The following YTHDC1 variants were observed in gnomAD, a reference collection of about 807,000 sequenced individuals.
The protein encoded by YTHDC1 is YTH domain-containing protein 1.
Under a neutral mutation model 107.0 loss-of-function variants are expected in YTHDC1, and 12 were observed. The ratio of observed to expected loss-of-function variants is 0.11; its 90% CI spans 0.07 to 0.18. YTHDC1 has a LOEUF of 0.18. YTHDC1 is among the 10% of genes least tolerant of loss of function. The pLI is 1.00. For synonymous variants in YTHDC1, 280 were observed against 289.5 expected (o/e 0.97, Z 0.33); for missense variants, 635 against 898.8 (o/e 0.71, Z 3.75).
chr4:68,349,611 G>GTATCATTATAAAA, intron 1 of YTHDC1, 115 bp downstream of exon 1: 1 of 1,180,098 alleles, frequency 8.5e-7, no homozygotes, highest in Non-Finnish European at 1.2e-6. Flanking sequence ...GGCTCCTCGC[G>GTATCATTATAAAA]AGGCCAGCTA....
At chr4:68,331,979 G>A in intron 7 of YTHDC1, 124 bp downstream of exon 7, 1 of 511,948 alleles carries the variant, frequency 2.0e-6, no homozygotes, top group Non-Finnish European at 3.3e-6. Context: ...GTGGCCATTG[G>A]AATGTAGATC....
intron 14 of YTHDC1, 40 bp downstream of exon 14, chr4:68,318,650 T>C (rs2109682539): frequency 6.2e-7 from 1 of 1,610,938 alleles, no homozygotes; most frequent in East Asian, 2.2e-5. Context: ...AATCAGAGCC[T>C]GATTTTATCC....
In YTHDC1 at chr4:68,337,930, AG is replaced by A. The variant is rs1383700665; in HGVS notation, c.131-31del. The A allele has an allele frequency of 2.5e-6, 4 of 1,578,348 alleles. No individual in the cohort carries two copies. The African/African-American group carries it at 4.1e-5, about 16-fold the overall frequency. On this transcript the variant is annotated intron_variant, in intron 2 of 16. Transcript: ENST00000344157. The stretch of plus-strand genomic sequence containing the variant: ...AAAATACAATGTAAAAAAAAAAAAA[AG>A]AAGTATTTGTAGTATTCCATTTATT...
rs749046355 is a variant in YTHDC1 at position 68,337,243 on chromosome 4, C to T, written c.667G>A (p.Glu223Lys). ...TCCTCTCCATCTTCATCCACCTCTT[C>T]ATCTTCTTCTGCATCTTCTTCTACT... is the stretch of plus-strand genomic sequence containing the variant. Reference protein sequence around the residue: ...EEVEEDAEEDEEVDEDGEEEE... With the variant: ...EEVEEDAEEDKEVDEDGEEEE... Residue 223 changes from glutamate to lysine, a missense_variant, in exon 4 of 17, where the codon GAA becomes AAA. By Grantham distance (56) the Glu-to-Lys change is moderately conservative. Around this residue, in one of 5 missense-constraint regions of YTHDC1, gnomAD observed 294 missense variants for 312.3 expected, o/e 0.94. Coordinates refer to ENST00000344157, the MANE Select transcript of YTHDC1 (RefSeq NM_001031732.4). The T allele has an allele frequency of 1.2e-6, 2 of 1,606,562 alleles. No individual in the cohort carries two copies. The highest frequency in any genetic ancestry group is 1.7e-6 in the Non-Finnish European group (2 of 1,174,406).
At position 68,312,739 on chromosome 4, in the gene YTHDC1, G is replaced by C. The variant is rs962419324; in HGVS notation, c.*1360C>G. 2.0e-5 allele frequency: 3 copies of C among 152,020 alleles called. No homozygotes were observed. Among genetic ancestry groups the C allele is most frequent in the African/African-American group, 7.2e-5 (3 of 41,392 alleles). 9.4% of individuals were successfully genotyped at this position (152,020 alleles called of 1,614,324 possible). ...AATGTAAAACTGTACTATGTGATCTGGTACACAGTACAACTGTTGATACTA... is the reference window on the plus strand; with the variant it reads ...AATGTAAAACTGTACTATGTGATCTCGTACACAGTACAACTGTTGATACTA... On this transcript the variant is annotated 3_prime_UTR_variant, in exon 17 of 17. Transcript: ENST00000344157.
At chr4:68,344,541 G>T (rs551180011) in intron 1 of YTHDC1, among the ~76,000 whole-genome samples, 1 of 152,118 alleles carries the variant, frequency 6.6e-6, no homozygotes, top group South Asian at 2.1e-4. Context: ...TTTTTATTTG[G>T]AATTGCATGA....
chr4:68,317,437 G>C (rs1721985054), intron 15 of YTHDC1, among the ~76,000 whole-genome samples: 1 of 151,980 alleles, frequency 6.6e-6, no homozygotes, highest in Admixed American at 6.6e-5. Flanking sequence ...GTCAGATGAA[G>C]AGGCCATATA....
Position 68,312,539 on chromosome 4 carries a change from A to G in YTHDC1, c.*1560T>C, listed in dbSNP as rs1221777843. Reference sequence around the variant, plus strand: ...AAAGTACTTTTTCCTCTCTACCACAATGCAGATTTAAAACAAATCCTCAGG... The same window carrying G: ...AAAGTACTTTTTCCTCTCTACCACAGTGCAGATTTAAAACAAATCCTCAGG... On this transcript the variant is annotated 3_prime_UTR_variant, in exon 17 of 17. Coordinates refer to ENST00000344157, the MANE Select transcript of YTHDC1 (RefSeq NM_001031732.4). The G allele has an allele frequency of 6.6e-6, 1 of 152,212 alleles. No homozygotes were observed. Among genetic ancestry groups the G allele is most frequent in the African/African-American group, 2.4e-5 (1 of 41,456 alleles). 9.4% of individuals were successfully genotyped at this position (152,212 alleles called of 1,614,324 possible). A position where few individuals can be genotyped will look rare whatever the true frequency, so the allele number is the denominator to read the frequency against.
At chr4:68,331,013 C>T (rs1046274085) in intron 7 of YTHDC1, among the ~76,000 whole-genome samples, 1 of 152,154 alleles carries the variant, frequency 6.6e-6, no homozygotes, top group African/African-American at 2.4e-5. Context: ...CCACTGGGGA[C>T]TGGTTCCAGG....
At chr4:68,336,085 T>C (rs574789190) in intron 4 of YTHDC1, among the ~76,000 whole-genome samples, 2 of 149,032 alleles carry the variant, frequency 1.3e-5, no homozygotes, top group South Asian at 2.1e-4. Context: ...CTTCTAGTGA[T>C]TGGCAACTGA....
At chr4:68,327,874 T>C (rs777720906) in intron 9 of YTHDC1, among the ~76,000 whole-genome samples, 32 of 152,176 alleles carry the variant, frequency 2.1e-4, no homozygotes, top group Non-Finnish European at 3.8e-4. Flanking sequence ...TACACTTGAA[T>C]AGAACTTGAG....
At chr4:68,320,097 T>C (rs779142072) in intron 12 of YTHDC1, 26 bp downstream of exon 12, 2 of 1,536,512 alleles carry the variant, frequency 1.3e-6, no homozygotes, top group Non-Finnish European at 8.9e-7. Context: ...TGAAATCAAA[T>C]ATCTGCAGGA....
Position 68,316,349 on chromosome 4 carries a change from C to A in YTHDC1, c.1924G>T (p.Val642Leu), listed in dbSNP as rs753845671. ...AHPPYSGHHP[V>L]PHEARYRDKR... The stretch of plus-strand genomic sequence containing the variant: ...TCTCTGTATCTTGCTTCATGTGGTA[C>A]TGGATGATGTCCTGAGTAAGGGGGA... Residue 642 changes from valine to leucine, a missense_variant, in exon 16 of 17, where the codon GTA becomes TTA. Coordinates refer to ENST00000344157, the MANE Select transcript of YTHDC1 (RefSeq NM_001031732.4). 3.3e-5 allele frequency: 53 copies of A among 1,613,808 alleles called. No homozygotes were observed. The highest frequency in any genetic ancestry group is 3.3e-5 in the Admixed American group (2 of 59,986).
chr4:68,324,960 C>T (rs1216655263), intron 9 of YTHDC1, among the ~76,000 whole-genome samples: 7 of 150,158 alleles, frequency 4.7e-5, no homozygotes, highest in African/African-American at 1.7e-4. Context: ...GTCAACCTAG[C>T]ACAATGTCAC....
intron 12 of YTHDC1, among the ~76,000 whole-genome samples, chr4:68,319,512 G>C (rs1722216226): frequency 6.6e-6 from 1 of 152,126 alleles, no homozygotes; most frequent in Non-Finnish European, 1.5e-5. Context: ...GGCTAATCAA[G>C]CCACTTGTTA....
intron 4 of YTHDC1, among the ~76,000 whole-genome samples, chr4:68,335,344 G>A (rs1240434284): frequency 6.6e-6 from 1 of 151,936 alleles, no homozygotes; most frequent in Non-Finnish European, 1.5e-5. Flanking sequence ...TCCACATAAG[G>A]GATTTTCCTT....
chr4:68,346,865 AC>A (rs1360024242), intron 1 of YTHDC1, among the ~76,000 whole-genome samples: 4 of 152,222 alleles, frequency 2.6e-5, no homozygotes, highest in African/African-American at 9.6e-5. Context: ...ATAGAAAAAA[AC>A]ATAGTATAGA....
intron 15 of YTHDC1, among the ~76,000 whole-genome samples, chr4:68,316,825 G>A (rs1721909251): frequency 6.6e-6 from 1 of 152,190 alleles, no homozygotes; most frequent in Admixed American, 6.5e-5. Context: ...AAGGAGTTAA[G>A]TAACCTGCTT....
chr4:68,322,680 C>T lies in YTHDC1; in HGVS notation c.1601+69G>A, dbSNP rs950815049. 26 of 1,508,898 alleles carry T rather than the reference C, an allele frequency of 1.7e-5. No homozygotes were observed. The highest frequency in any genetic ancestry group is 2.7e-5 in the South Asian group (2 of 74,838). 93.5% of individuals were successfully genotyped at this position (1,508,898 alleles called of 1,614,324 possible). ...TCTTTACCGCAGGACAAACTTTTGA[C>T]GAATCATATTCCTCCATCATGTTAT... On this transcript the variant is annotated intron_variant, in intron 11 of 16. Coordinates refer to ENST00000344157, the MANE Select transcript of YTHDC1 (RefSeq NM_001031732.4). This position sits in a 1 kb window ranked among gnomAD's most constrained non-coding sequence, Gnocchi z 4.8.
Sources: allele counts gnomAD v4.1 joint callset (sites outside exome capture counted in the v4.1 genomes callset), GRCh38; gene constraint gnomAD v4.1.1; regional missense constraint gnomAD v4.1.1; non-coding constraint Gnocchi (gnomAD v3.1); transcripts MANE v1.5; gene names NCBI Gene and HGNC (gene_info 2026-07-23, HGNC 2026-07-21).